Variants in SYK observed in about 807,000 individuals in gnomAD.
The protein encoded by SYK is tyrosine-protein kinase SYK.
A neutral mutation model predicts 77.8 loss-of-function variants in SYK; 16 were observed. The ratio of observed to expected loss-of-function variants is 0.21; its 90% CI spans 0.14 to 0.31. SYK has a LOEUF of 0.31. Ranked by LOEUF, SYK falls within the 10% of genes least tolerant of loss-of-function variation. The pLI, the probability that SYK is intolerant of heterozygous loss-of-function variation, is 1.00. For synonymous variants in SYK, 312 were observed against 308.7 expected, an observed-to-expected ratio of 1.01 and a Z score of -0.11; for missense variants, 529 against 814.4, an observed-to-expected ratio of 0.65 and a Z score of 4.26.
In SYK at chr9:90,802,767, A is replaced by C. The variant is rs1278662713; in HGVS notation, c.-42+874A>C. Among the ~76,000 whole-genome samples the C allele has an allele frequency of 2.0e-5, 3 of 147,306 alleles. No homozygotes were observed. In the Admixed American group the frequency reaches 2.1e-4, roughly 10 times the overall value. On this transcript the variant is annotated intron_variant, in intron 1 of 13. Transcript: ENST00000375754. ...TTTTTTGAGTTTTGCCTGACTTAGC[A>C]AAGATTCAGTCGAACTCAAGTAGAG... is the stretch of plus-strand genomic sequence containing the variant.
chr9:90,824,876 C>T (rs1564074659), intron 1 of SYK, among the ~76,000 whole-genome samples: 1 of 151,892 alleles, frequency 6.6e-6, no homozygotes, highest in Non-Finnish European at 1.5e-5. Context: ...CTAGCTAGTG[C>T]AAGAAAACAA....
chr9:90,887,397 C>CT, intron 11 of SYK, among the ~76,000 whole-genome samples: 1 of 109,372 alleles, frequency 9.1e-6, no homozygotes, highest in South Asian at 3.2e-4. Context: ...TTATGCTTTT[C>CT]TTTCTTTCTT....
At chr9:90,864,711 T>C in intron 5 of SYK, 44 bp downstream of exon 5, 1 of 1,555,398 alleles carries the variant, frequency 6.4e-7, no homozygotes, top group Non-Finnish European at 8.9e-7. Flanking sequence ...GAGGTATCAG[T>C]GACAATCAGC....
intron 1 of SYK, among the ~76,000 whole-genome samples, chr9:90,802,790 G>A (rs1445667985): frequency 9.5e-6 from 1 of 105,190 alleles, no homozygotes; most frequent in Non-Finnish European, 1.8e-5. Flanking sequence ...AACTCAAGTA[G>A]AGTTCAAAGC....
At position 90,897,349 on chromosome 9, in the gene SYK, A is replaced by G. The variant is rs1829030249; in HGVS notation, c.*1749A>G. ...TTAAAGACAGAATCCCTGAGTGCTGAGCAGATTCTCAAAACACATTTAGAA... is the reference window on the plus strand; with the variant it reads ...TTAAAGACAGAATCCCTGAGTGCTGGGCAGATTCTCAAAACACATTTAGAA... On this transcript the variant is annotated 3_prime_UTR_variant, in exon 14 of 14. Coordinates refer to ENST00000375754, the MANE Select transcript of SYK (RefSeq NM_003177.7). 4.3e-6 allele frequency: 1 copy of G among 231,334 alleles called. No homozygotes were observed. The highest frequency in any genetic ancestry group is 1.8e-4 in the South Asian group (1 of 5,532). 14.3% of individuals were successfully genotyped at this position (231,334 alleles called of 1,614,324 possible).
chr9:90,807,696 T>C (rs1044066695), intron 1 of SYK, among the ~76,000 whole-genome samples: 34 of 152,204 alleles, frequency 2.2e-4, no homozygotes, highest in Non-Finnish European at 1.2e-4. Context: ...GGGAGAACTT[T>C]CTAATATTTT....
In SYK at chr9:90,895,699, C is replaced by T. The variant is rs202035242; in HGVS notation, c.*99C>T. ...TTGTCAGCCACCTCCCTCTGCCAGT[C>T]GGGAGAGCCAGGCTTGGATGGAACA... On this transcript the variant is annotated 3_prime_UTR_variant, in exon 14 of 14. Transcript: ENST00000375754. This position sits in a 1 kb window ranked among gnomAD's most constrained non-coding sequence, Gnocchi z 4.4. 2.6e-6 allele frequency: 3 copies of T among 1,151,704 alleles called. No individual in the cohort carries two copies. The highest frequency in any genetic ancestry group is 3.6e-5 in the Admixed American group (2 of 55,566). 71.3% of individuals were successfully genotyped at this position (1,151,704 alleles called of 1,614,324 possible). A position where few individuals can be genotyped will look rare whatever the true frequency, so the allele number is the denominator to read the frequency against.
At chr9:90,810,785 A>G (rs1490891191) in intron 1 of SYK, among the ~76,000 whole-genome samples, 1 of 152,236 alleles carries the variant, frequency 6.6e-6, no homozygotes, top group Admixed American at 6.5e-5. Context: ...CTCAGGGAAG[A>G]AATGTAAGAT....
chr9:90,826,768 G>A (rs1366692031), intron 1 of SYK, among the ~76,000 whole-genome samples: 1 of 152,194 alleles, frequency 6.6e-6, no homozygotes, highest in Non-Finnish European at 1.5e-5. Context: ...GCTTCACAGA[G>A]TAAGGGAATG....
chr9:90,830,063 C>T (rs1465177038), intron 1 of SYK, among the ~76,000 whole-genome samples: 1 of 152,236 alleles, frequency 6.6e-6, no homozygotes, highest in African/African-American at 2.4e-5. Flanking sequence ...TAGTAAAAAT[C>T]ATGCCTCATG....
intron 11 of SYK, among the ~76,000 whole-genome samples, chr9:90,886,722 A>G (rs1256649580): frequency 1.3e-5 from 2 of 151,678 alleles, no homozygotes; most frequent in Non-Finnish European, 2.9e-5. Flanking sequence ...CAAAAAGAAG[A>G]AAAAAAAACT....
intron 11 of SYK, among the ~76,000 whole-genome samples, chr9:90,881,171 A>G (rs1005762392): frequency 4.6e-5 from 7 of 152,226 alleles, no homozygotes; most frequent in Non-Finnish European, 8.8e-5. Flanking sequence ...ACATGGGGCC[A>G]ATTCTAAAAC....
At chr9:90,877,428 C>G (rs765773978) in intron 9 of SYK, 143 bp from the exon 10 acceptor site, 33 of 828,360 alleles carry the variant, frequency 4.0e-5, no homozygotes, top group Non-Finnish European at 6.3e-5. Flanking sequence ...CCATCCATTA[C>G]AGGCTTCTGA....
At chr9:90,886,087 A>C (rs1158032162) in intron 11 of SYK, among the ~76,000 whole-genome samples, 1 of 152,258 alleles carries the variant, frequency 6.6e-6, no homozygotes, top group Non-Finnish European at 1.5e-5. Context: ...AAAAACACAC[A>C]AAAGTATAAA....
chr9:90,840,548 C>T (rs1222839982), intron 1 of SYK, among the ~76,000 whole-genome samples: 1 of 121,968 alleles, frequency 8.2e-6, no homozygotes, highest in African/African-American at 3.3e-5. Context: ...GAAACCCCGT[C>T]TCTTCTAAAA....
intron 2 of SYK, among the ~76,000 whole-genome samples, chr9:90,844,765 C>A (rs1194978901): frequency 6.6e-6 from 1 of 152,166 alleles, no homozygotes; most frequent in East Asian, 1.9e-4. Flanking sequence ...CTGCTATGCA[C>A]CACAATTTAT....
Position 90,833,727 on chromosome 9 carries a change from C to T in SYK, c.-41-10131C>T, listed in dbSNP as rs148593242. On this transcript the variant is annotated intron_variant, in intron 1 of 13. Coordinates refer to ENST00000375754, the MANE Select transcript of SYK (RefSeq NM_003177.7). Reference sequence around the variant, plus strand: ...GTTGCTGCCTGATAAGGTAGAACTACACAAATGATAGTTTCCCAACTAAAT... The same window carrying T: ...GTTGCTGCCTGATAAGGTAGAACTATACAAATGATAGTTTCCCAACTAAAT... Among the ~76,000 whole-genome samples, 107 of 152,328 alleles carry T rather than the reference C, an allele frequency of 7.0e-4. 1 individual carries two copies. Among genetic ancestry groups the T allele is most frequent in the Non-Finnish European group, 1.1e-3 (73 of 68,028 alleles).
intron 11 of SYK, among the ~76,000 whole-genome samples, chr9:90,879,950 A>C (rs533228064): frequency 1.0e-3 from 159 of 152,384 alleles, no homozygotes; most frequent in Non-Finnish European, 9.8e-4. Context: ...ATATTAACTC[A>C]TCTGTGGTGT....
rs1827407008 is a variant in SYK, at chr9:90,864,659, G to T, written c.788G>T (p.Gly263Val). The T allele has an allele frequency of 6.2e-7, 1 of 1,614,050 alleles. No homozygotes were observed. Among genetic ancestry groups the T allele is most frequent in the South Asian group, 1.1e-5 (1 of 91,082 alleles). ...RVLTVPCQKI[G>V]TQGNVNFGGR... ...CTTACTGTCCCATGTCAAAAAATCG[G>T]CACACAGGGTGAGTTCCCAAGACAC... The change falls in exon 5 of 14, where the codon GGC (glycine) becomes GTC (valine). Residue 263 changes from glycine (G) to valine (V), a missense_variant. Physicochemically the swap from Gly to Val is moderately radical, Grantham distance 109. Around this residue, in one of 2 missense-constraint regions of SYK, gnomAD observed 321 missense variants for 433.1 expected, o/e 0.74. Coordinates refer to ENST00000375754, the MANE Select transcript of SYK (RefSeq NM_003177.7).
Sources: gnomAD v4.1 joint callset for allele counts (sites outside exome capture counted in the v4.1 genomes callset) on GRCh38, gnomAD v4.1.1 for gene constraint, gnomAD v4.1.1 regional missense constraint, Gnocchi (gnomAD v3.1) non-coding constraint, MANE v1.5 for transcripts, NCBI Gene and HGNC (gene_info 2026-07-23, HGNC 2026-07-21) for gene names.